ANO2: variants seen among roughly 807,000 people sequenced by gnomAD.
ANO2 encodes the protein anoctamin 2.
A neutral mutation model predicts 124.2 loss-of-function variants in ANO2; 101 were observed. That is an observed-to-expected ratio of 0.81 (90% confidence interval 0.69 to 0.96). The LOEUF is 0.96. ANO2 is among the 40% of genes least tolerant of loss of function. The probability of loss-of-function intolerance (pLI) is 0.00; values close to 1 mark genes in which losing one functional copy is unlikely to be tolerated. For missense variants in ANO2, 1,293 were observed against 1,274.5 expected (o/e 1.01, Z -0.22); for synonymous variants, 486 against 482.5 (o/e 1.01, Z -0.09).
At chr12:5,808,711 C>T (rs530035253) in intron 7 of ANO2, among the ~76,000 whole-genome samples, 99 of 152,290 alleles carry the variant, frequency 6.5e-4, no homozygotes, top group African/African-American at 2.2e-3. Context: ...TCTGAATAAA[C>T]GCCGAGGTTG....
intron 3 of ANO2, among the ~76,000 whole-genome samples, chr12:5,879,147 A>G (rs903165552): frequency 6.6e-6 from 1 of 152,218 alleles, no homozygotes; most frequent in African/African-American, 2.4e-5. Context: ...GGAAAAGGGA[A>G]AGGAAGCAGA....
intron 14 of ANO2, among the ~76,000 whole-genome samples, chr12:5,723,974 T>A (rs1950336793): frequency 6.6e-6 from 1 of 152,014 alleles, no homozygotes; most frequent in African/African-American, 2.4e-5. Flanking sequence ...CAACCGCCCT[T>A]CAGCTTGGGA....
chr12:5,663,920 T>C (rs781456792), intron 14 of ANO2, among the ~76,000 whole-genome samples: 9 of 152,356 alleles, frequency 5.9e-5, no homozygotes, highest in Non-Finnish European at 1.3e-4. Flanking sequence ...GACTGGGCTA[T>C]GACCTTTGTG....
Position 5,888,887 on chromosome 12 carries a change from G to A in ANO2, c.534+32153C>T, listed in dbSNP as rs543499231. On this transcript the variant is annotated intron_variant, in intron 3 of 24. Transcript: ENST00000682330. The stretch of plus-strand genomic sequence containing the variant: ...TGGAGCTGCCTGCCAGTCCCACGCC[G>A]TGCGCCCACACTCCTCAGCCCTTGG... Among the ~76,000 whole-genome samples the A allele has an allele frequency of 3.8e-3, 575 of 152,318 alleles. 4 individuals carry two copies. Among genetic ancestry groups the A allele is most frequent in the African/African-American group, 0.013 (556 of 41,586 alleles).
At chr12:5,693,319 C>T (rs908290224) in intron 14 of ANO2, among the ~76,000 whole-genome samples, 8 of 152,162 alleles carry the variant, frequency 5.3e-5, no homozygotes, top group South Asian at 4.1e-4. Context: ...AAAATCTTGG[C>T]GTCATCCTTG....
At chr12:5,852,071 A>G (rs1001808516) in intron 4 of ANO2, 4 of 693,888 alleles carry the variant, frequency 5.8e-6, no homozygotes, top group Non-Finnish European at 1.1e-5. Flanking sequence ...AGAATAATAT[A>G]TTGGAGTTAG....
intron 1 of ANO2, among the ~76,000 whole-genome samples, chr12:5,943,421 T>C (rs907872019): frequency 9.9e-5 from 15 of 152,214 alleles, no homozygotes; most frequent in Admixed American, 3.3e-4. Context: ...GGTAACTAAA[T>C]ATCATATGTT....
intron 14 of ANO2, among the ~76,000 whole-genome samples, chr12:5,686,064 C>T (rs1948691613): frequency 1.3e-5 from 2 of 152,176 alleles, no homozygotes; most frequent in Non-Finnish European, 2.9e-5. Flanking sequence ...AGCCAGCCCC[C>T]AGGCAAGGGG....
intron 14 of ANO2, among the ~76,000 whole-genome samples, chr12:5,718,561 T>C (rs541399994): frequency 6.6e-6 from 1 of 152,226 alleles, no homozygotes; most frequent in Non-Finnish European, 1.5e-5. Context: ...AAAGCACATG[T>C]TTATGCGAGG....
intron 13 of ANO2, among the ~76,000 whole-genome samples, chr12:5,735,151 C>T (rs990386259): frequency 1.3e-5 from 2 of 152,120 alleles, no homozygotes; most frequent in Admixed American, 6.5e-5. Context: ...AGAATCCAGC[C>T]CCCGGGAGGG....
chr12:5,675,610 C>T (rs117253891), intron 14 of ANO2, among the ~76,000 whole-genome samples: 5 of 152,290 alleles, frequency 3.3e-5, no homozygotes, highest in Non-Finnish European at 7.4e-5. Context: ...TCCTTGGCCT[C>T]GTAACCCATT....
At chr12:5,743,080 C>T (rs1951151962) in intron 12 of ANO2, among the ~76,000 whole-genome samples, 1 of 152,056 alleles carries the variant, frequency 6.6e-6, no homozygotes, top group African/African-American at 2.4e-5. Flanking sequence ...GTTCTGTCTC[C>T]ACCCAAGTGA....
intron 2 of ANO2, among the ~76,000 whole-genome samples, chr12:5,921,629 C>G (rs1002063411): frequency 1.3e-5 from 2 of 152,192 alleles, no homozygotes; most frequent in Non-Finnish European, 2.9e-5. Context: ...CACACACACT[C>G]ACACACAGAC....
intron 6 of ANO2, among the ~76,000 whole-genome samples, chr12:5,829,870 G>C (rs930225036): frequency 2.0e-5 from 3 of 152,076 alleles, no homozygotes; most frequent in Non-Finnish European, 4.4e-5. Flanking sequence ...GAAGAGCTAC[G>C]GTCACAAGCG....
At position 5,674,191 on chromosome 12, in the gene ANO2, A is replaced by G. The variant is rs1205194897; in HGVS notation, c.1546-26390T>C. ...GAATTTGCTGTTTTTGAAGTAGACT[A>G]TTACCACTCTCCACTATAGGTAATT... On this transcript the variant is annotated intron_variant, in intron 14 of 24. Coordinates refer to ENST00000682330, the MANE Select transcript of ANO2 (RefSeq NM_001364791.2). Among the ~76,000 whole-genome samples, 144 of 152,224 alleles carry G rather than the reference A, an allele frequency of 9.5e-4. 1 individual carries two copies. Among genetic ancestry groups the G allele is most frequent in the Non-Finnish European group, 5.9e-5 (4 of 68,040 alleles).
At chr12:5,825,779 C>T (rs1231651126) in intron 7 of ANO2, among the ~76,000 whole-genome samples, 2 of 152,156 alleles carry the variant, frequency 1.3e-5, no homozygotes, top group Non-Finnish European at 2.9e-5. Flanking sequence ...TTATCATGCC[C>T]TGTGATTAAG....
At chr12:5,587,623 C>T (rs765232668) in intron 20 of ANO2, among the ~76,000 whole-genome samples, 7 of 152,292 alleles carry the variant, frequency 4.6e-5, no homozygotes, top group East Asian at 1.9e-4. Flanking sequence ...TCATCCCCTC[C>T]GAGATGGGGG....
chr12:5,922,349 G>A (rs536396823), intron 2 of ANO2, among the ~76,000 whole-genome samples: 2 of 152,324 alleles, frequency 1.3e-5, no homozygotes, highest in African/African-American at 4.8e-5. Flanking sequence ...AGGCTTGCAG[G>A]AGGGGAACCA....
chr12:5,697,298 G>A (rs1162065873), intron 14 of ANO2, among the ~76,000 whole-genome samples: 1 of 152,072 alleles, frequency 6.6e-6, no homozygotes, highest in Non-Finnish European at 1.5e-5. Flanking sequence ...CGGGCGTGGT[G>A]GTGGGAGTCT....
Sources: gnomAD v4.1 joint callset for allele counts (sites outside exome capture counted in the v4.1 genomes callset) on GRCh38, gnomAD v4.1.1 for gene constraint, MANE v1.5 for transcripts, NCBI Gene and HGNC (gene_info 2026-07-23, HGNC 2026-07-21) for gene names.